SUGCT: variants seen among roughly 807,000 people sequenced by gnomAD.
SUGCT encodes succinyl-CoA:glutarate CoA-transferase.
In SUGCT, 41 loss-of-function variants were observed where a neutral mutation model predicts 55.0. That is an observed-to-expected ratio of 0.74 (90% CI 0.58 to 0.97). SUGCT has a LOEUF of 0.97. Among genes scored for constraint, SUGCT ranks in the 50% least tolerant of loss-of-function variants. The probability of loss-of-function intolerance (pLI) is 0.00; values close to 1 mark genes in which losing one functional copy is unlikely to be tolerated. For missense variants in SUGCT, 568 were observed against 547.8 expected, an observed-to-expected ratio of 1.04 and a Z score of -0.37; for synonymous variants, 187 against 200.4, an observed-to-expected ratio of 0.93 and a Z score of 0.56.
chr7:40,713,890 G>T (rs1183018019), intron 12 of SUGCT, among the ~76,000 whole-genome samples: 1 of 152,158 alleles, frequency 6.6e-6, no homozygotes. Context: ...TTGGAAAAGA[G>T]GCATTTTAAC....
chr7:40,450,245 C>T (rs28668981), intron 10 of SUGCT, among the ~76,000 whole-genome samples: 1 of 151,604 alleles, frequency 6.6e-6, no homozygotes, highest in Non-Finnish European at 1.5e-5. Flanking sequence ...CTTTTTTTTT[C>T]TTTACTTGAT....
At chr7:40,515,221 G>A (rs1052968239) in intron 12 of SUGCT, among the ~76,000 whole-genome samples, 1 of 151,974 alleles carries the variant, frequency 6.6e-6, no homozygotes, top group African/African-American at 2.4e-5. Flanking sequence ...CCTGATCCAC[G>A]GCCATCATTA....
chr7:40,521,091 T>C (rs933516268), intron 12 of SUGCT, among the ~76,000 whole-genome samples: 2 of 152,062 alleles, frequency 1.3e-5, no homozygotes, highest in Non-Finnish European at 2.9e-5. Flanking sequence ...TTGTCAGTGA[T>C]ATGGTTTGGA....
intron 9 of SUGCT, among the ~76,000 whole-genome samples, chr7:40,431,935 GT>G (rs942264790): frequency 1.3e-5 from 2 of 151,984 alleles, no homozygotes; most frequent in Admixed American, 6.6e-5. Flanking sequence ...ATCATTGTTG[GT>G]TTTTTCCCCC....
chr7:40,230,630 A>G (rs1370001569), intron 6 of SUGCT, among the ~76,000 whole-genome samples: 1 of 152,224 alleles, frequency 6.6e-6, no homozygotes, highest in Non-Finnish European at 1.5e-5. Context: ...AATAGAGTCC[A>G]GGATGGCCCT....
intron 6 of SUGCT, among the ~76,000 whole-genome samples, chr7:40,212,465 C>G (rs905056107): frequency 6.6e-6 from 1 of 151,708 alleles, no homozygotes; most frequent in Non-Finnish European, 1.5e-5. Flanking sequence ...AGTATGGCCA[C>G]ATTATATATA....
intron 13 of SUGCT, among the ~76,000 whole-genome samples, chr7:40,783,955 G>C (rs1789887608): frequency 6.6e-6 from 1 of 152,084 alleles, no homozygotes; most frequent in Non-Finnish European, 1.5e-5. Context: ...CCTCCTAAAG[G>C]GCAATGGTGT....
At chr7:40,230,718 G>A (rs1016591834) in intron 6 of SUGCT, among the ~76,000 whole-genome samples, 1 of 152,154 alleles carries the variant, frequency 6.6e-6, no homozygotes, top group Admixed American at 6.5e-5. Context: ...ACTTAAGTGG[G>A]ATAACTTCTT....
intron 3 of SUGCT, among the ~76,000 whole-genome samples, chr7:40,187,038 A>G (rs1479250845): frequency 6.6e-6 from 1 of 152,216 alleles, no homozygotes; most frequent in Non-Finnish European, 1.5e-5. Flanking sequence ...ACCAACCCAA[A>G]TGTCCAACAA....
chr7:40,961,733 C>A, the SUGCT span, among the ~76,000 whole-genome samples: 1 of 152,044 alleles, frequency 6.6e-6, no homozygotes, highest in African/African-American at 2.4e-5. Flanking sequence ...TCCAGAGTTT[C>A]TTCCTTCCAG....
At chr7:40,396,448 C>T (rs995467975) in intron 9 of SUGCT, among the ~76,000 whole-genome samples, 4 of 152,076 alleles carry the variant, frequency 2.6e-5, no homozygotes, top group African/African-American at 4.8e-5. Flanking sequence ...TGTAGGCTGA[C>T]GAAACAACCT....
At chr7:40,903,636 A>G in the SUGCT span, among the ~76,000 whole-genome samples, 1 of 152,142 alleles carries the variant, frequency 6.6e-6, no homozygotes, top group Non-Finnish European at 1.5e-5. Flanking sequence ...TTACTTAGAT[A>G]AACCCCCCTC....
chr7:40,858,155 C>T (rs1031093521), intron 13 of SUGCT, among the ~76,000 whole-genome samples: 3 of 152,016 alleles, frequency 2.0e-5, no homozygotes, highest in Non-Finnish European at 4.4e-5. Flanking sequence ...TACATAAAGC[C>T]TTTGGTGCAG....
chr7:40,253,838 C>T (rs1231498316), intron 7 of SUGCT, among the ~76,000 whole-genome samples: 1 of 152,202 alleles, frequency 6.6e-6, no homozygotes, highest in Non-Finnish European at 1.5e-5. Flanking sequence ...TTTAAAATAA[C>T]TAGATTCTTA....
At position 40,496,287 on chromosome 7, in the gene SUGCT, TGAA is replaced by T. The variant is rs1411335437; in HGVS notation, c.997_999del (p.Glu333del). On this transcript the variant is annotated inframe_deletion, in exon 12 of 14. Transcript: ENST00000335693. ...TTATCCTTGTTTGTCTTCTTAGGTT[TGAA>T]GAAGAACTGACCAGCAAGTGGTTAT... is the stretch of plus-strand genomic sequence containing the variant. 3 of 1,607,928 alleles carry T rather than the reference TGAA, an allele frequency of 1.9e-6. No individual in the cohort carries two copies. The highest frequency in any genetic ancestry group is 2.2e-5 in the East Asian group (1 of 44,752).
At chr7:40,522,240 A>G (rs1793570825) in intron 12 of SUGCT, among the ~76,000 whole-genome samples, 1 of 152,104 alleles carries the variant, frequency 6.6e-6, no homozygotes, top group Non-Finnish European at 1.5e-5. Flanking sequence ...TAGTTTCTCT[A>G]ACACTTGCAA....
chr7:40,900,110 C>A, the SUGCT span, among the ~76,000 whole-genome samples: 1 of 152,178 alleles, frequency 6.6e-6, no homozygotes, highest in South Asian at 2.1e-4. Context: ...TGGGAAGAGC[C>A]GATGACCGGC....
At chr7:40,778,323 A>G (rs1382261719) in intron 13 of SUGCT, among the ~76,000 whole-genome samples, 6 of 152,234 alleles carry the variant, frequency 3.9e-5, no homozygotes, top group Non-Finnish European at 8.8e-5. Context: ...TACTTGATTT[A>G]CCTGGGGAAT....
chr7:40,562,682 G>A lies in SUGCT; in HGVS notation c.1089+66296G>A, dbSNP rs528952158. Among the ~76,000 whole-genome samples the A allele has an allele frequency of 2.0e-5, 3 of 152,210 alleles. No homozygotes were observed. The East Asian group carries it at 5.8e-4, about 29-fold the overall frequency. On this transcript the variant is annotated intron_variant, in intron 12 of 13. Coordinates refer to ENST00000335693, the MANE Select transcript of SUGCT (RefSeq NM_001193313.2). ...TGATGGTAAGGGCCTGACCTAAATC[G>A]TTACAGTGGGATTTAGAAGGTTCTC...
Sources: gnomAD v4.1 joint callset for allele counts (sites outside exome capture counted in the v4.1 genomes callset) on GRCh38, gnomAD v4.1.1 for gene constraint, MANE v1.5 for transcripts, NCBI Gene and HGNC (gene_info 2026-07-23, HGNC 2026-07-21) for gene names.